Variants in SDAD1 observed in about 807,000 individuals in gnomAD.
The protein encoded by SDAD1 is SDA1 domain containing 1, also known as protein SDA1 homolog.
In SDAD1, 79 loss-of-function variants were observed where a neutral mutation model predicts 100.3. The ratio of observed to expected loss-of-function variants is 0.79; its 90% CI spans 0.66 to 0.95. The LOEUF (loss-of-function observed/expected upper bound fraction) is 0.95. Ranked by LOEUF, SDAD1 falls within the 40% of genes least tolerant of loss-of-function variation. SDAD1 has a pLI of 0.00. For missense variants in SDAD1, 790 were observed against 810.9 expected (o/e 0.97, Z 0.31); for synonymous variants, 267 against 271.4 (o/e 0.98, Z 0.16).
chr4:75,970,650 C>A (rs1729816189), intron 9 of SDAD1, among the ~76,000 whole-genome samples: 1 of 152,132 alleles, frequency 6.6e-6, no homozygotes, highest in Non-Finnish European at 1.5e-5. Flanking sequence ...GTGTCCCCAC[C>A]CAAATTTCAT....
chr4:75,982,436 C>T (rs1158707910), intron 1 of SDAD1, among the ~76,000 whole-genome samples: 3 of 152,010 alleles, frequency 2.0e-5, no homozygotes, highest in African/African-American at 7.2e-5. Context: ...TCACTTGAGC[C>T]CAGGAGTTCG....
In SDAD1 at chr4:75,971,422, A is replaced by G; in HGVS notation, c.748T>C (p.Tyr250His). ...GPTARDLLVQYATGKKSSKNK... is the reference protein window; with the variant it reads ...GPTARDLLVQHATGKKSSKNK... The stretch of plus-strand genomic sequence containing the variant: ...TTGGAACTTTTCTTCCCTGTAGCAT[A>G]TTGTACTAGCAGGTCTCTTGCTGTT... The change falls in exon 9 of 22, where the codon TAT becomes CAT. Residue 250 changes from tyrosine (Y) to histidine (H), a missense_variant. Tyr to His is a moderately conservative substitution (Grantham distance 83). Coordinates refer to ENST00000356260, the MANE Select transcript of SDAD1 (RefSeq NM_018115.4). 5.6e-6 allele frequency: 9 copies of G among 1,614,038 alleles called. No individual in the cohort carries two copies. The highest frequency in any genetic ancestry group is 7.6e-6 in the Non-Finnish European group (9 of 1,179,968).
intron 20 of SDAD1, among the ~76,000 whole-genome samples, chr4:75,956,491 G>GCACA: frequency 6.6e-6 from 1 of 151,546 alleles, no homozygotes; most frequent in African/African-American, 2.4e-5. Context: ...AAGGGACAGT[G>GCACA]CACACAAAGG....
At position 75,975,797 on chromosome 4, in the gene SDAD1, G is replaced by A. The variant is rs3195614; in HGVS notation, c.525C>T (p.Thr175=). 1.7e-5 allele frequency: 27 copies of A among 1,613,894 alleles called. No individual in the cohort carries two copies. Among genetic ancestry groups the A allele is most frequent in the Middle Eastern group, 3.3e-4 (2 of 6,060 alleles). The change falls in exon 6 of 22, where the codon ACC becomes ACT. Residue 175 remains threonine, a synonymous_variant. Transcript: ENST00000356260. ...MYTMLRDSNA[T]AAKMSLDVMI... Reference sequence around the variant, plus strand: ...TTACATCTAAAGACATCTTGGCTGCGGTTGCATTGCTATCTCTTAACATGG... The same window carrying A: ...TTACATCTAAAGACATCTTGGCTGCAGTTGCATTGCTATCTCTTAACATGG...
intron 21 of SDAD1, among the ~76,000 whole-genome samples, chr4:75,952,942 G>C (rs1408636645): frequency 4.6e-5 from 7 of 151,978 alleles, no homozygotes. Context: ...TTTTTTACTT[G>C]TTTATTTTTA....
Position 75,971,443 on chromosome 4 carries a change from C to T in SDAD1, c.727G>A (p.Ala243Thr), listed in dbSNP as rs772953980. The T allele has an allele frequency of 3.1e-6, 5 of 1,612,376 alleles. No individual in the cohort carries two copies. The highest frequency in any genetic ancestry group is 4.5e-5 in the East Asian group (2 of 44,882). Reference sequence around the variant, plus strand: ...GCATATTGTACTAGCAGGTCTCTTGCTGTTGGTCCATCATCCTAAAGAAGA... The same window carrying T: ...GCATATTGTACTAGCAGGTCTCTTGTTGTTGGTCCATCATCCTAAAGAAGA... ...DSESEDDGPT[A>T]RDLLVQYATG... The change falls in exon 9 of 22, where the codon GCA (alanine) becomes ACA (threonine). Residue 243 changes from alanine (A) to threonine (T), a missense_variant. Physicochemically the swap from Ala to Thr is moderately conservative, Grantham distance 58 (BLOSUM62 0). Coordinates refer to ENST00000356260, the MANE Select transcript of SDAD1 (RefSeq NM_018115.4).
At chr4:75,970,226 A>T in intron 10 of SDAD1, 83 bp downstream of exon 10, 1 of 1,137,712 alleles carries the variant, frequency 8.8e-7, no homozygotes, top group South Asian at 1.3e-5. Flanking sequence ...CAGGGATCTT[A>T]TATTCCCTGA....
intron 1 of SDAD1, among the ~76,000 whole-genome samples, chr4:75,989,135 C>A (rs139550578): frequency 1.6e-4 from 24 of 152,218 alleles, no homozygotes; most frequent in African/African-American, 5.3e-4. Flanking sequence ...ATAAGCTGAC[C>A]CCTGCCTGCA....
In SDAD1 at chr4:75,958,914, G is replaced by A. The variant is rs553473192; in HGVS notation, c.1484-973C>T. Among the ~76,000 whole-genome samples the A allele has an allele frequency of 1.3e-4, 20 of 151,254 alleles. No homozygotes were observed. In the South Asian group the frequency reaches 3.8e-3, roughly 29 times the overall value. On this transcript the variant is annotated intron_variant, in intron 17 of 21. Coordinates refer to ENST00000356260, the MANE Select transcript of SDAD1 (RefSeq NM_018115.4). ...AGATTGAGACCATCCTAGCTAAAAC[G>A]GTGAAACCCCGTCTCTACTAAAAAA...
chr4:75,982,376 A>G (rs190282233), intron 1 of SDAD1, among the ~76,000 whole-genome samples: 2 of 152,280 alleles, frequency 1.3e-5, no homozygotes, highest in Non-Finnish European at 2.9e-5. Context: ...TGCTGGGTGT[A>G]GTGGCTCACA....
chr4:75,977,714 T>G lies in SDAD1; in HGVS notation c.337A>C (p.Ile113Leu), dbSNP rs148278023. ...ALILLRNKNL[I>L]NPSSLLELFF... ...AGTTCTAGCAGGCTTGATGGATTGA[T>G]GAGATTCTTATTTCTCAGCAAGATC... is the stretch of plus-strand genomic sequence containing the variant. The change falls in exon 4 of 22, where the codon ATC (isoleucine) becomes CTC (leucine). Residue 113 changes from isoleucine to leucine, a missense_variant. Physicochemically the swap from Ile to Leu is conservative, Grantham distance 5. Coordinates refer to ENST00000356260, the MANE Select transcript of SDAD1 (RefSeq NM_018115.4). 8 of 1,612,980 alleles carry G rather than the reference T, an allele frequency of 5.0e-6. No individual in the cohort carries two copies. The highest frequency in any genetic ancestry group is 1.7e-4 in the Middle Eastern group (1 of 6,048).
intron 21 of SDAD1, among the ~76,000 whole-genome samples, chr4:75,951,115 T>C (rs994215707): frequency 2.0e-5 from 3 of 152,198 alleles, no homozygotes; most frequent in Non-Finnish European, 4.4e-5. Flanking sequence ...ATTTGGTCTA[T>C]GTGGCTCTTA....
In SDAD1 at chr4:75,967,315, T is replaced by C. The variant is rs929430665; in HGVS notation, c.1007A>G (p.Tyr336Cys). 15 of 1,613,940 alleles carry C rather than the reference T, an allele frequency of 9.3e-6. No individual in the cohort carries two copies. In the African/African-American group the frequency reaches 1.3e-4, roughly 14 times the overall value. The part of the protein sequence containing the change: ...GIHELFLFNF[Y>C]PFLQRFLQPH... ...CTGCAGAAACCTTTGCAAAAAGGGA[T>C]AGAAATTGAAGAGGAAAAGCTGTGG... The change falls in exon 12 of 22, where the codon TAT becomes TGT. Residue 336 changes from tyrosine (Y) to cysteine (C), a missense_variant. Physicochemically the swap from Tyr to Cys is radical, Grantham distance 194. Transcript: ENST00000356260.
At position 75,961,429 on chromosome 4, in the gene SDAD1, A is replaced by C. The variant is rs1217311275; in HGVS notation, c.1182-121T>G. ...AAACACGTTGAGTTTTATATAGCTT[A>C]GGTCTCCAAAACTGCAGCATGTTAG... On this transcript the variant is annotated intron_variant, in intron 14 of 21. Transcript: ENST00000356260. 11 of 692,390 alleles carry C rather than the reference A, an allele frequency of 1.6e-5. No individual in the cohort carries two copies. In the East Asian group the frequency reaches 2.2e-4, roughly 14 times the overall value. 42.9% of individuals were successfully genotyped at this position (692,390 alleles called of 1,614,324 possible). A position where few individuals can be genotyped will look rare whatever the true frequency, so the allele number is the denominator to read the frequency against.
chr4:75,990,928 A>C lies in SDAD1; in HGVS notation c.-87T>G, dbSNP rs1188557543. The C allele has an allele frequency of 6.5e-7, 1 of 1,531,268 alleles. No individual in the cohort carries two copies. The highest frequency in any genetic ancestry group is 1.7e-5 in the Admixed American group (1 of 58,650). The allele number at this position is 1,531,268 out of a possible 1,614,324, so 94.9% of individuals were successfully genotyped here. On this transcript the variant is annotated 5_prime_UTR_variant, in exon 1 of 22. Coordinates refer to ENST00000356260, the MANE Select transcript of SDAD1 (RefSeq NM_018115.4). Reference sequence around the variant, plus strand: ...GCAATCCCTGCCAGCTGCAGCTTGGACTCGTGTTTCCGGGTATGACCGGAA... The same window carrying C: ...GCAATCCCTGCCAGCTGCAGCTTGGCCTCGTGTTTCCGGGTATGACCGGAA...
chr4:75,978,065 G>T (rs551182240), intron 3 of SDAD1, among the ~76,000 whole-genome samples: 41 of 152,160 alleles, frequency 2.7e-4, no homozygotes, highest in Non-Finnish European at 3.7e-4. Flanking sequence ...AGGTCTCTTT[G>T]TAGTGTCATC....
At chr4:75,959,126 A>G (rs1427766875) in intron 17 of SDAD1, among the ~76,000 whole-genome samples, 1 of 137,178 alleles carries the variant, frequency 7.3e-6, no homozygotes, top group East Asian at 2.5e-4. Context: ...AAAAAAAAAA[A>G]AACCTAAAAA....
intron 1 of SDAD1, among the ~76,000 whole-genome samples, chr4:75,984,724 C>T (rs1335592357): frequency 6.7e-6 from 1 of 150,342 alleles, no homozygotes; most frequent in Non-Finnish European, 1.5e-5. Flanking sequence ...TAACTACTCT[C>T]CACCCATACA....
At chr4:75,965,902 A>C in intron 12 of SDAD1, 80 bp from the exon 13 acceptor site, 399 of 1,160,136 alleles carry the variant, frequency 3.4e-4, no homozygotes, top group Non-Finnish European at 4.7e-4. Context: ...TGGCAAGCTC[A>C]TTCTGGTCTA....
Sources: gnomAD v4.1 joint callset for allele counts (sites outside exome capture counted in the v4.1 genomes callset) on GRCh38, gnomAD v4.1.1 for gene constraint, MANE v1.5 for transcripts, NCBI Gene and HGNC (gene_info 2026-07-23, HGNC 2026-07-21) for gene names.